The following ALAD variants were observed in gnomAD, a reference collection of about 807,000 sequenced individuals.
ALAD encodes the protein aminolevulinate dehydratase.
In ALAD, 20 loss-of-function variants were observed where a neutral mutation model predicts 44.4. The observed-to-expected ratio is 0.45, with a 90% confidence interval of 0.32 to 0.65. The LOEUF is 0.65. Ranked by LOEUF, ALAD falls within the 30% of genes least tolerant of loss-of-function variation. ALAD has a pLI of 0.05. For synonymous variants in ALAD, 156 were observed against 167.9 expected (o/e 0.93, Z 0.55); for missense variants, 323 against 445.7 (o/e 0.72, Z 2.48).
At chr9:113,389,380 T>C in intron 10 of ALAD, 58 bp downstream of exon 10, 1 of 1,588,548 alleles carries the variant, frequency 6.3e-7, no homozygotes, top group Non-Finnish European at 8.6e-7. Flanking sequence ...GATTCCAGAG[T>C]CTGTGGAAAA....
intron 11 of ALAD, 26 bp downstream of exon 11, chr9:113,388,951 A>G: frequency 6.2e-7 from 1 of 1,613,732 alleles, no homozygotes. Context: ...GGCGCAGGTC[A>G]AAACACCCCA....
chr9:113,395,669 C>T (rs1470898666), intron 1 of ALAD, among the ~76,000 whole-genome samples: 1 of 152,224 alleles, frequency 6.6e-6, no homozygotes, highest in African/African-American at 2.4e-5. Context: ...GTGGGCACTA[C>T]AGTCCTGGCA....
chr9:113,392,817 T>C (rs965177138), intron 2 of ALAD, among the ~76,000 whole-genome samples: 4 of 143,404 alleles, frequency 2.8e-5, no homozygotes, highest in Admixed American at 6.9e-5. Context: ...TGCCATCTCT[T>C]TTTTTTTTTT....
At chr9:113,390,523 C>G in intron 6 of ALAD, 30 bp from the exon 7 acceptor site, 1 of 1,613,602 alleles carries the variant, frequency 6.2e-7, no homozygotes, top group Non-Finnish European at 8.5e-7. Flanking sequence ...CTTCAGAACT[C>G]TGGGGCCCTC....
chr9:113,388,388 G>A (rs781461345), intron 11 of ALAD, 27 bp from the exon 12 acceptor site: 21 of 1,610,852 alleles, frequency 1.3e-5, no homozygotes, highest in Middle Eastern at 1.8e-4. Flanking sequence ...GCAGAAAGTT[G>A]CTGGGGGGAC....
At chr9:113,393,316 G>A in intron 2 of ALAD, 131 bp downstream of exon 2, 1 of 801,598 alleles carries the variant, frequency 1.2e-6, no homozygotes, top group South Asian at 1.5e-5. Context: ...TGCTTCCAGT[G>A]CCTTGAATTT....
At chr9:113,391,907 G>A (rs1232403334) in intron 3 of ALAD, among the ~76,000 whole-genome samples, 4 of 152,202 alleles carry the variant, frequency 2.6e-5, no homozygotes, top group Non-Finnish European at 5.9e-5. Context: ...CCTCTGCCAC[G>A]ACGTCTCGGG....
rs1011414484 is a variant in ALAD at position 113,387,467 on chromosome 9, A to G, written c.*833T>C. On this transcript the variant is annotated 3_prime_UTR_variant, in exon 12 of 12. Transcript: ENST00000409155. ...ACCCCTTCTTTCCTTCAAAGCACTT[A>G]TCACAATTTGTAACTGCTTTATTTC... 3 of 152,208 alleles carry G rather than the reference A, an allele frequency of 2.0e-5. No individual in the cohort carries two copies. The highest frequency in any genetic ancestry group is 4.4e-5 in the Non-Finnish European group (3 of 68,082). The allele number at this position is 152,208 out of a possible 1,614,324, so 9.4% of individuals were successfully genotyped here.
intron 1 of ALAD, among the ~76,000 whole-genome samples, chr9:113,400,058 G>T (rs1310606104): frequency 6.6e-6 from 1 of 152,206 alleles, no homozygotes; most frequent in African/African-American, 2.4e-5. Flanking sequence ...GCTTTGAAGA[G>T]CCTGATCGCC....
At chr9:113,400,974 G>C (rs1459844585) in intron 1 of ALAD, among the ~76,000 whole-genome samples, 1 of 152,110 alleles carries the variant, frequency 6.6e-6, no homozygotes, top group Non-Finnish European at 1.5e-5. Context: ...GGCGGTATCC[G>C]AGAGGGTGAA....
At chr9:113,390,168 CCT>C in intron 7 of ALAD, among the ~76,000 whole-genome samples, 1 of 152,190 alleles carries the variant, frequency 6.6e-6, no homozygotes, top group East Asian at 1.9e-4. Context: ...ATTACAGGCG[CCT>C]GCCACCACGC....
rs1373806733 is a variant in ALAD, at chr9:113,389,632, G to A, written c.681C>T (p.Pro227=). 2 of 1,614,182 alleles carry A rather than the reference G, an allele frequency of 1.2e-6. No homozygotes were observed. The highest frequency in any genetic ancestry group is 1.7e-6 in the Non-Finnish European group (2 of 1,180,038). ...GGAGAGCCAGGCCTCGTGCTCCAGG[G>A]GGCAGCTGGTAGCAGCGGCGGTCCC... ...AFGDRRCYQL[P]PGARGLALRA... The change falls in exon 9 of 12, where the codon CCC becomes CCT. Residue 227 remains proline, a synonymous_variant. Transcript: ENST00000409155.
chr9:113,388,585 G>A (rs1355290105), intron 11 of ALAD, among the ~76,000 whole-genome samples: 2 of 152,190 alleles, frequency 1.3e-5, no homozygotes, highest in African/African-American at 4.8e-5. Context: ...GCACAGTGAA[G>A]GAAATAGGTA....
intron 6 of ALAD, 50 bp from the exon 7 acceptor site, chr9:113,390,543 C>T (rs533605400): frequency 1.2e-6 from 2 of 1,613,790 alleles, no homozygotes; most frequent in Non-Finnish European, 1.7e-6. Context: ...CCTAGCCACT[C>T]TGCCACCTCC....
intron 1 of ALAD, among the ~76,000 whole-genome samples, chr9:113,395,054 CA>C (rs754746652): frequency 9.9e-4 from 136 of 137,526 alleles, no homozygotes; most frequent in Middle Eastern, 3.6e-3. Context: ...GACTTCATTC[CA>C]AAAAAAAAAA....
rs770484660 is a variant in ALAD, at chr9:113,393,511, G to A, written c.49C>T (p.Arg17Trp). Residue 17 changes from arginine to tryptophan, a missense_variant, in exon 2 of 12, where the codon CGG (arginine) becomes TGG (tryptophan). Transcript: ENST00000409155. ...LHSGYFHPLLRAWQTATTTLN... is the reference protein window; with the variant it reads ...LHSGYFHPLLWAWQTATTTLN... Reference sequence around the variant, plus strand: ...GTGGTGGTGGCTGTCTGCCAGGCCCGAAGTAGTGGGTGGAAGTAGCCGCTG... The same window carrying A: ...GTGGTGGTGGCTGTCTGCCAGGCCCAAAGTAGTGGGTGGAAGTAGCCGCTG... 52 of 1,613,996 alleles carry A rather than the reference G, an allele frequency of 3.2e-5. No homozygotes were observed. The highest frequency in any genetic ancestry group is 2.9e-4 in the East Asian group (13 of 44,882).
At chr9:113,399,866 G>T (rs1827814488) in intron 1 of ALAD, among the ~76,000 whole-genome samples, 2 of 152,224 alleles carry the variant, frequency 1.3e-5, no homozygotes, top group South Asian at 4.1e-4. Context: ...TAGATAGAAG[G>T]TGGCCAGAAC....
At chr9:113,392,059 T>C in intron 3 of ALAD, 60 bp downstream of exon 3, 1 of 1,479,910 alleles carries the variant, frequency 6.8e-7, no homozygotes, top group African/African-American at 1.4e-5. Context: ...CTCCCAGCAC[T>C]TCCACCTGTG....
chr9:113,389,925 A>G, intron 7 of ALAD, 97 bp from the exon 8 acceptor site: 1 of 1,446,644 alleles, frequency 6.9e-7, no homozygotes, highest in Non-Finnish European at 9.6e-7. Context: ...TGGGAAGGAG[A>G]CTGCCTGTGT....
Sources: gnomAD v4.1 joint callset for allele counts (sites outside exome capture counted in the v4.1 genomes callset) on GRCh38, gnomAD v4.1.1 for gene constraint, MANE v1.5 for transcripts, NCBI Gene and HGNC (gene_info 2026-07-23, HGNC 2026-07-21) for gene names.